GDF7: variants seen among roughly 807,000 people sequenced by gnomAD.
GDF7 encodes growth/differentiation factor 7.
A neutral mutation model predicts 13.4 loss-of-function variants in GDF7; 12 were observed. That is an observed-to-expected ratio of 0.90 (90% CI 0.57 to 1.45). GDF7 has a LOEUF of 1.45. Ranked by LOEUF, GDF7 falls within the 40% of genes most tolerant of loss-of-function variation. The pLI is 0.00. For missense variants in GDF7, 651 were observed against 652.4 expected (o/e 1.00, Z 0.02); for synonymous variants, 330 against 306.4 (o/e 1.08, Z -0.80).
Position 20,671,631 on chromosome 2 carries a change from G to C in GDF7, c.*206G>C. 1 of 601,342 alleles carries C rather than the reference G, an allele frequency of 1.7e-6. No individual in the cohort carries two copies. Among genetic ancestry groups the C allele is most frequent in the East Asian group, 2.9e-5 (1 of 34,978 alleles). The allele number at this position is 601,342 out of a possible 1,614,324, so 37.3% of individuals were successfully genotyped here. A position where few individuals can be genotyped will look rare whatever the true frequency, so the allele number is the denominator to read the frequency against. ...ACAGCATGTGAAAGCCTTGGGAAGAGATGACCTGCCGGTACCGAATGTCAA... is the reference window on the plus strand; with the variant it reads ...ACAGCATGTGAAAGCCTTGGGAAGACATGACCTGCCGGTACCGAATGTCAA... On this transcript the variant is annotated 3_prime_UTR_variant, in exon 2 of 2. Transcript: ENST00000272224.
chr2:20,671,089 G>C lies in GDF7; in HGVS notation c.1017G>C (p.Arg339=). The part of the protein sequence containing the change: ...TAQGSGGGAG[R]GHGRRGRSRC... ...AGGGCAGCGGCGGGGGCGCGGGCCG[G>C]GGCCACGGGCGCAGGGGCCGGAGCC... The change falls in exon 2 of 2, where the codon CGG becomes CGC. Residue 339 remains arginine, a synonymous_variant. Coordinates refer to ENST00000272224, the MANE Select transcript of GDF7 (RefSeq NM_182828.4). The C allele has an allele frequency of 6.5e-7, 1 of 1,546,222 alleles. No individual in the cohort carries two copies. Among genetic ancestry groups the C allele is most frequent in the Non-Finnish European group, 8.7e-7 (1 of 1,147,304 alleles).
At chr2:20,670,375 C>A in intron 1 of GDF7, 89 bp from the exon 2 acceptor site, 1 of 1,341,524 alleles carries the variant, frequency 7.5e-7, no homozygotes, top group Non-Finnish European at 9.7e-7. Context: ...GACAGCTGGG[C>A]CATTTGCTGT....
In GDF7 at chr2:20,675,917, C is replaced by G. The variant is rs1035792823; in HGVS notation, c.*4492C>G. 6.6e-5 allele frequency: 10 copies of G among 152,308 alleles called. No individual in the cohort carries two copies. Among genetic ancestry groups the G allele is most frequent in the African/African-American group, 2.2e-4 (9 of 41,468 alleles). The allele number at this position is 152,308 out of a possible 1,614,324, so 9.4% of individuals were successfully genotyped here. ...GGGTTCAGCTCCCCAGAGCCAGGAG[C>G]TGGCTGAGGGCACTGCCCATCCAGC... On this transcript the variant is annotated 3_prime_UTR_variant, in exon 2 of 2. Coordinates refer to ENST00000272224, the MANE Select transcript of GDF7 (RefSeq NM_182828.4).
rs371208829 is a variant in GDF7 at position 20,667,731 on chromosome 2, C to G, written c.391+101C>G. 7 of 870,916 alleles carry G rather than the reference C, an allele frequency of 8.0e-6. No homozygotes were observed. The African/African-American group carries it at 1.1e-4, about 13-fold the overall frequency. 53.9% of individuals were successfully genotyped at this position (870,916 alleles called of 1,614,324 possible). Reference sequence around the variant, plus strand: ...TCCGTTACATTTGGAGCCGCGGCCCCATGCGGCCCACCCTCAGGTGATAGA... The same window carrying G: ...TCCGTTACATTTGGAGCCGCGGCCCGATGCGGCCCACCCTCAGGTGATAGA... On this transcript the variant is annotated intron_variant, in intron 1 of 1. Coordinates refer to ENST00000272224, the MANE Select transcript of GDF7 (RefSeq NM_182828.4). The surrounding 1 kb of genome is among the most constrained non-coding windows in gnomAD (Gnocchi z 6.4).
chr2:20,671,290 A>G lies in GDF7; in HGVS notation c.1218A>G (p.Ala406=), dbSNP rs1186082168. ...AIIQTLLNSM[A]PDAAPASCCV... ...TTCAGACGCTGCTCAACTCCATGGC[A>G]CCAGACGCGGCGCCGGCCTCCTGCT... The change falls in exon 2 of 2, where the codon GCA becomes GCG. Residue 406 remains alanine, a synonymous_variant. Transcript: ENST00000272224. The G allele has an allele frequency of 1.2e-6, 2 of 1,613,672 alleles. No individual in the cohort carries two copies. Among genetic ancestry groups the G allele is most frequent in the African/African-American group, 1.3e-5 (1 of 74,928 alleles).
chr2:20,667,338 G>A lies in GDF7; in HGVS notation c.99G>A (p.Gly33=), dbSNP rs948745610. The A allele has an allele frequency of 1.9e-5, 19 of 1,016,754 alleles. No homozygotes were observed. The African/African-American group carries it at 3.0e-4, about 16-fold the overall frequency. The allele number at this position is 1,016,754 out of a possible 1,614,324, so 63.0% of individuals were successfully genotyped here. A position where few individuals can be genotyped will look rare whatever the true frequency, so the allele number is the denominator to read the frequency against. The change falls in exon 1 of 2, where the codon GGG becomes GGA. Residue 33 remains glycine, a synonymous_variant. Coordinates refer to ENST00000272224, the MANE Select transcript of GDF7 (RefSeq NM_182828.4). This position sits in a 1 kb window ranked among gnomAD's most constrained non-coding sequence, Gnocchi z 6.4. ...LEAAAVLRAA[G]AGPVRSPGGG... ...CGGCCGCCGTGCTGCGAGCGGCGGG[G>A]GCTGGGCCGGTCCGGAGCCCAGGGG...
In GDF7 at chr2:20,670,977, A is replaced by G; in HGVS notation, c.905A>G (p.Asp302Gly). ...GAALASEPLP[D>G]PGTGTASPRA... ...GCTCTGGCCTCAGAGCCGCTGCCCGACCCAGGAACCGGCACCGCGTCGCCA... is the reference window on the plus strand; with the variant it reads ...GCTCTGGCCTCAGAGCCGCTGCCCGGCCCAGGAACCGGCACCGCGTCGCCA... The change falls in exon 2 of 2, where the codon GAC (aspartate) becomes GGC (glycine). Residue 302 changes from aspartate (D) to glycine (G), a missense_variant. Physicochemically the swap from Asp to Gly is moderately conservative, Grantham distance 94 (BLOSUM62 -1). Around this residue, in one of 4 missense-constraint regions of GDF7, gnomAD observed 487 missense variants for 445.9 expected, o/e 1.09. Coordinates refer to ENST00000272224, the MANE Select transcript of GDF7 (RefSeq NM_182828.4). The G allele has an allele frequency of 6.4e-7, 1 of 1,556,830 alleles. No homozygotes were observed. The highest frequency in any genetic ancestry group is 8.6e-7 in the Non-Finnish European group (1 of 1,157,838).
chr2:20,670,579 G>T lies in GDF7; in HGVS notation c.507G>T (p.Ser169=), dbSNP rs753091504. ...TGCTGCGCCGGGGATCTCCAGAGTC[G>T]GGCCCAGGCAGCTGGACTTCTCCGC... ...LRVLRRGSPE[S]GPGSWTSPPL... is the part of the protein sequence containing the mutation. Residue 169 remains serine, a synonymous_variant, in exon 2 of 2, where the codon TCG becomes TCT. Coordinates refer to ENST00000272224, the MANE Select transcript of GDF7 (RefSeq NM_182828.4). The T allele has an allele frequency of 2.5e-6, 4 of 1,603,884 alleles. 1 individual carries two copies. The South Asian group carries it at 3.4e-5, about 13-fold the overall frequency.
At chr2:20,668,867 G>T (rs1662033884) in intron 1 of GDF7, among the ~76,000 whole-genome samples, 1 of 152,210 alleles carries the variant, frequency 6.6e-6, no homozygotes, top group South Asian at 2.1e-4. Context: ...TGGATGCTGG[G>T]ATACTTATAG....
chr2:20,668,299 G>C (rs1246801973), intron 1 of GDF7, among the ~76,000 whole-genome samples: 1 of 152,106 alleles, frequency 6.6e-6, no homozygotes, highest in African/African-American at 2.4e-5. Flanking sequence ...AGAGGTCAAG[G>C]ATCCTGGTGG....
rs940180642 is a variant in GDF7, at chr2:20,676,687, C to T, written c.*5262C>T. 2.6e-5 allele frequency: 4 copies of T among 152,244 alleles called. No individual in the cohort carries two copies. Among genetic ancestry groups the T allele is most frequent in the Non-Finnish European group, 5.9e-5 (4 of 68,062 alleles). The allele number at this position is 152,244 out of a possible 1,614,324, so 9.4% of individuals were successfully genotyped here. ...ATGACCTGCAGGTACCCACCTTAAC[C>T]AGAGCTTGGCTTGTGGCCTGCAACT... On this transcript the variant is annotated 3_prime_UTR_variant, in exon 2 of 2. Coordinates refer to ENST00000272224, the MANE Select transcript of GDF7 (RefSeq NM_182828.4).
rs1481362055 is a variant in GDF7 at position 20,667,810 on chromosome 2, G to A, written c.391+180G>A. Among the ~76,000 whole-genome samples, 2 of 152,198 alleles carry A rather than the reference G, an allele frequency of 1.3e-5. No individual in the cohort carries two copies. The highest frequency in any genetic ancestry group is 4.8e-5 in the African/African-American group (2 of 41,466). On this transcript the variant is annotated intron_variant, in intron 1 of 1. Transcript: ENST00000272224. The surrounding 1 kb of genome is among the most constrained non-coding windows in gnomAD (Gnocchi z 6.4). ...CAGCCCGCTGCACCTGGACTGTGGCGAGAGTCGCGGCAGCTCCCGGGGCCC... is the reference window on the plus strand; with the variant it reads ...CAGCCCGCTGCACCTGGACTGTGGCAAGAGTCGCGGCAGCTCCCGGGGCCC...
rs549310907 is a variant in GDF7, at chr2:20,671,990, C to A, written c.*565C>A. On this transcript the variant is annotated 3_prime_UTR_variant, in exon 2 of 2. Coordinates refer to ENST00000272224, the MANE Select transcript of GDF7 (RefSeq NM_182828.4). ...ACCCTGGAACTGCTGCAAAAAGCAT[C>A]TTTCTTTTTTTAACTTTTAAAATTT... 1 of 151,676 alleles carries A rather than the reference C, an allele frequency of 6.6e-6. No homozygotes were observed. Among genetic ancestry groups the A allele is most frequent in the South Asian group, 2.1e-4 (1 of 4,826 alleles). 9.4% of individuals were successfully genotyped at this position (151,676 alleles called of 1,614,324 possible).
At position 20,676,635 on chromosome 2, in the gene GDF7, GATC is replaced by G. The variant is rs1662226013; in HGVS notation, c.*5216_*5218del. On this transcript the variant is annotated 3_prime_UTR_variant, in exon 2 of 2. Transcript: ENST00000272224. ...GCCTAGAAGTTGCCGCGTGAGCTCTGATCATCATTAGGGGTGCTGTCTGCCCAT... is the reference window on the plus strand; with the variant it reads ...GCCTAGAAGTTGCCGCGTGAGCTCTGATCATTAGGGGTGCTGTCTGCCCAT... 1 of 152,220 alleles carries G rather than the reference GATC, an allele frequency of 6.6e-6. No individual in the cohort carries two copies. Among genetic ancestry groups the G allele is most frequent in the Non-Finnish European group, 1.5e-5 (1 of 68,054 alleles). The allele number at this position is 152,220 out of a possible 1,614,324, so 9.4% of individuals were successfully genotyped here. A position where few individuals can be genotyped will look rare whatever the true frequency, so the allele number is the denominator to read the frequency against.
intron 1 of GDF7, among the ~76,000 whole-genome samples, chr2:20,668,757 T>A (rs1662032023): frequency 6.6e-6 from 1 of 152,202 alleles, no homozygotes; most frequent in Non-Finnish European, 1.5e-5. Context: ...GACTGCCTTA[T>A]TTTTGGTACC....
chr2:20,670,205 G>A (rs1253110229), intron 1 of GDF7, among the ~76,000 whole-genome samples: 1 of 152,186 alleles, frequency 6.6e-6, no homozygotes, highest in Non-Finnish European at 1.5e-5. Context: ...GTGACCATGG[G>A]TTGTTGGCCT....
rs1662200807 is a variant in GDF7, at chr2:20,675,413, T to C, written c.*3988T>C. 6.6e-6 allele frequency: 1 copy of C among 152,056 alleles called. No homozygotes were observed. The highest frequency in any genetic ancestry group is 2.4e-5 in the African/African-American group (1 of 41,386). 9.4% of individuals were successfully genotyped at this position (152,056 alleles called of 1,614,324 possible). ...AAAGTAACTAGATCCCTCTGGTGGA[T>C]GGTATATTTGAGCTGCACCAGAGTC... On this transcript the variant is annotated 3_prime_UTR_variant, in exon 2 of 2. Coordinates refer to ENST00000272224, the MANE Select transcript of GDF7 (RefSeq NM_182828.4).
At position 20,667,349 on chromosome 2, in the gene GDF7, T is replaced by C. The variant is rs1384427667; in HGVS notation, c.110T>C (p.Val37Ala). The C allele has an allele frequency of 2.5e-6, 2 of 809,150 alleles. No individual in the cohort carries two copies. Among genetic ancestry groups the C allele is most frequent in the East Asian group, 2.7e-4 (2 of 7,422 alleles). The allele number at this position is 809,150 out of a possible 1,614,324, so 50.1% of individuals were successfully genotyped here. A position where few individuals can be genotyped will look rare whatever the true frequency, so the allele number is the denominator to read the frequency against. The stretch of plus-strand genomic sequence containing the variant: ...CTGCGAGCGGCGGGGGCTGGGCCGG[T>C]CCGGAGCCCAGGGGGCGGCGGCGGC... The part of the protein sequence containing the change: ...AVLRAAGAGP[V>A]RSPGGGGGGG... The change falls in exon 1 of 2, where the codon GTC becomes GCC. Residue 37 changes from valine to alanine, a missense_variant. By Grantham distance (64) the Val-to-Ala change is moderately conservative. Around this residue, in one of 4 missense-constraint regions of GDF7, gnomAD observed 61 missense variants for 50.5 expected, o/e 1.21. Transcript: ENST00000272224. The surrounding 1 kb of genome is among the most constrained non-coding windows in gnomAD (Gnocchi z 6.4).
rs1662109322 is a variant in GDF7 at position 20,670,909 on chromosome 2, C to T, written c.837C>T (p.Ser279=). ...VVSSRTQRKE[S]LFREIRAQAR... is the part of the protein sequence containing the mutation. The stretch of plus-strand genomic sequence containing the variant: ...CCTCCCGCACGCAGAGGAAAGAGAG[C>T]TTATTCCGGGAGATCCGCGCCCAGG... Residue 279 remains serine (S), a synonymous_variant, in exon 2 of 2, where the codon AGC becomes AGT. Transcript: ENST00000272224. The T allele has an allele frequency of 3.2e-6, 5 of 1,565,310 alleles. No homozygotes were observed. In the East Asian group the frequency reaches 1.2e-4, roughly 37 times the overall value.
Sources: allele counts gnomAD v4.1 joint callset (sites outside exome capture counted in the v4.1 genomes callset), GRCh38; gene constraint gnomAD v4.1.1; regional missense constraint gnomAD v4.1.1; non-coding constraint Gnocchi (gnomAD v3.1); transcripts MANE v1.5; gene names NCBI Gene and HGNC (gene_info 2026-07-23, HGNC 2026-07-21).